Variants in SERPINB1 observed in about 807,000 individuals in gnomAD.
The protein encoded by SERPINB1 is leukocyte elastase inhibitor.
In SERPINB1, 23 loss-of-function variants were observed where a neutral mutation model predicts 25.9. That is an observed-to-expected ratio of 0.89 (90% CI 0.64 to 1.26). The LOEUF (loss-of-function observed/expected upper bound fraction) is 1.26, where lower values mean the gene tolerates loss of function less well. SERPINB1 is among the 50% of genes most tolerant of loss of function. The pLI is 0.00. For missense variants in SERPINB1, 399 were observed against 463.6 expected (o/e 0.86, Z 1.28); for synonymous variants, 178 against 178.7 (o/e 1.00, Z 0.03).
intron 1 of SERPINB1, 67 bp from the exon 2 acceptor site, chr6:2,840,661 C>A (rs1401322925): frequency 6.2e-6 from 9 of 1,447,366 alleles, no homozygotes; most frequent in Non-Finnish European, 8.3e-6. Context: ...AGCACTATTT[C>A]TCCAGAAGCT....
chr6:2,839,909 C>G (rs1766600083), intron 2 of SERPINB1, among the ~76,000 whole-genome samples: 1 of 152,210 alleles, frequency 6.6e-6, no homozygotes, highest in African/African-American at 2.4e-5. Flanking sequence ...CACCCTGGGA[C>G]TACAGAACCA....
In SERPINB1 at chr6:2,840,473, A is replaced by G. The variant is rs774546298; in HGVS notation, c.114T>C (p.Ala38=). The change falls in exon 2 of 7, where the codon GCT becomes GCC. Residue 38 remains alanine, a synonymous_variant. Transcript: ENST00000380739. ...IFISPFSISS[A]MAMVFLGTRG... ...TGGTCCCCAGAAAAACCATGGCCATAGCAGATGAAATGCTGAAGGGAGAGA... is the reference window on the plus strand; with the variant it reads ...TGGTCCCCAGAAAAACCATGGCCATGGCAGATGAAATGCTGAAGGGAGAGA... 1.2e-6 allele frequency: 2 copies of G among 1,614,198 alleles called. No individual in the cohort carries two copies. Among genetic ancestry groups the G allele is most frequent in the Admixed American group, 3.3e-5 (2 of 60,022 alleles).
chr6:2,838,890 C>T (rs1766571224), intron 2 of SERPINB1, among the ~76,000 whole-genome samples: 1 of 152,172 alleles, frequency 6.6e-6, no homozygotes, highest in African/African-American at 2.4e-5. Context: ...AGAATGTTTA[C>T]AACTTTACAC....
In SERPINB1 at chr6:2,837,681, C is replaced by T. The variant is rs912687336; in HGVS notation, c.424+201G>A. On this transcript the variant is annotated intron_variant, in intron 4 of 6. Coordinates refer to ENST00000380739, the MANE Select transcript of SERPINB1 (RefSeq NM_030666.4). This position sits in a 1 kb window ranked among gnomAD's most constrained non-coding sequence, Gnocchi z 4.3. ...GTTAAATCATGTTTAAGTTTCCACT[C>T]TGGTGAACTTCGAACATGTGAGAGC... Among the ~76,000 whole-genome samples, 4 of 152,218 alleles carry T rather than the reference C, an allele frequency of 2.6e-5. No individual in the cohort carries two copies. Among genetic ancestry groups the T allele is most frequent in the Admixed American group, 1.3e-4 (2 of 15,288 alleles).
At chr6:2,839,312 G>C (rs1445020200) in intron 2 of SERPINB1, 2 of 984,554 alleles carry the variant, frequency 2.0e-6, no homozygotes, top group Non-Finnish European at 2.4e-6. Flanking sequence ...AATTGCATAG[G>C]GTACGAAGTC....
chr6:2,836,358 AT>A, intron 4 of SERPINB1, 108 bp from the exon 5 acceptor site: 1 of 1,183,072 alleles, frequency 8.5e-7, no homozygotes, highest in Non-Finnish European at 1.2e-6. Context: ...TTTCTACTTA[AT>A]TTTCATTTAA....
intron 2 of SERPINB1, among the ~76,000 whole-genome samples, 198 bp from the exon 3 acceptor site, chr6:2,838,884 T>C (rs1418373519): frequency 6.6e-6 from 1 of 152,244 alleles, no homozygotes; most frequent in Non-Finnish European, 1.5e-5. Flanking sequence ...TGAGACAGAA[T>C]GTTTACAACT....
intron 2 of SERPINB1, among the ~76,000 whole-genome samples, chr6:2,839,829 G>A (rs529963236): frequency 4.3e-4 from 39 of 90,092 alleles, no homozygotes; most frequent in Non-Finnish European, 9.9e-4. Flanking sequence ...TCCCGCCCCT[G>A]AAGCTGCGGG....
Position 2,836,138 on chromosome 6 carries a change from G to T in SERPINB1, c.537C>A (p.Ala179=). 6.2e-7 allele frequency: 1 copy of T among 1,613,838 alleles called. No homozygotes were observed. Among genetic ancestry groups the T allele is most frequent in the Non-Finnish European group, 8.5e-7 (1 of 1,179,976 alleles). The part of the protein sequence containing the change: ...GNWKDKFMKE[A]TTNAPFRLNK... The stretch of plus-strand genomic sequence containing the variant: ...TCAATCTGAATGGTGCATTCGTCGT[G>T]GCTTCTTTCATGAATTTATCCTTCC... The change falls in exon 5 of 7, where the codon GCC becomes GCA. Residue 179 remains alanine, a synonymous_variant. Coordinates refer to ENST00000380739, the MANE Select transcript of SERPINB1 (RefSeq NM_030666.4).
Position 2,838,820 on chromosome 6 carries a change from T to C in SERPINB1, c.169-134A>G, listed in dbSNP as rs76389219. 1.9e-3 allele frequency: 1,279 copies of C among 690,950 alleles called. 13 individuals carry two copies. In the African/African-American group the frequency reaches 0.022, roughly 12 times the overall value. The allele number at this position is 690,950 out of a possible 1,614,324, so 42.8% of individuals were successfully genotyped here. A position where few individuals can be genotyped will look rare whatever the true frequency, so the allele number is the denominator to read the frequency against. ...ATTGATGATCCCAAACCCAATACTT[T>C]ATTAATTTGTCATTGCAGAACAAAC... On this transcript the variant is annotated intron_variant, in intron 2 of 6. Coordinates refer to ENST00000380739, the MANE Select transcript of SERPINB1 (RefSeq NM_030666.4).
intron 6 of SERPINB1, among the ~76,000 whole-genome samples, chr6:2,834,566 C>A (rs1766433425): frequency 6.6e-6 from 1 of 152,226 alleles, no homozygotes; most frequent in Non-Finnish European, 1.5e-5. Flanking sequence ...TCTACCCATT[C>A]ATCCATCCAT....
At chr6:2,839,591 G>GA (rs1246919955) in intron 2 of SERPINB1, 4 of 633,222 alleles carry the variant, frequency 6.3e-6, no homozygotes, top group Admixed American at 1.3e-4. Flanking sequence ...CCTTGAACTT[G>GA]AATCCCAGGC....
intron 2 of SERPINB1, among the ~76,000 whole-genome samples, 196 bp downstream of exon 2, chr6:2,840,223 C>G (rs1766606698): frequency 6.6e-6 from 1 of 152,086 alleles, no homozygotes; most frequent in Admixed American, 6.5e-5. Flanking sequence ...GTTCCTGGTA[C>G]GTGGTAGGTA....
chr6:2,839,527 A>C (rs1766586787), intron 2 of SERPINB1: 1 of 964,170 alleles, frequency 1.0e-6, no homozygotes. Context: ...ATTTAAAAAA[A>C]ACATTTAAAA....
intron 4 of SERPINB1, among the ~76,000 whole-genome samples, chr6:2,836,971 G>T (rs1201484987): frequency 6.6e-6 from 1 of 152,248 alleles, no homozygotes; most frequent in African/African-American, 2.4e-5. Flanking sequence ...ATGGAAGACA[G>T]GTCTTCTGGA....
In SERPINB1 at chr6:2,838,578, A is replaced by G; in HGVS notation, c.277T>C (p.Tyr93His). 1 of 1,605,942 alleles carries G rather than the reference A, an allele frequency of 6.2e-7. No individual in the cohort carries two copies. Among genetic ancestry groups the G allele is most frequent in the South Asian group, 1.1e-5 (1 of 89,230 alleles). ...SYILKLANRLYGEKTYNFLPE... is the reference protein window; with the variant it reads ...SYILKLANRLHGEKTYNFLPE... ...AGGAAATTGTAAGTTTTCTCTCCAT[A>G]TAATCTATTAGCAAGTTTCAGAATA... Residue 93 changes from tyrosine to histidine, a missense_variant, in exon 3 of 7, where the codon TAT (tyrosine) becomes CAT (histidine). By Grantham distance (83) the Tyr-to-His change is moderately conservative (BLOSUM62 2). Coordinates refer to ENST00000380739, the MANE Select transcript of SERPINB1 (RefSeq NM_030666.4).
rs181444752 is a variant in SERPINB1, at chr6:2,838,951, G to T, written c.169-265C>A. Among the ~76,000 whole-genome samples, 520 of 152,142 alleles carry T rather than the reference G, an allele frequency of 3.4e-3. 3 individuals are homozygous for T. Among genetic ancestry groups the T allele is most frequent in the African/African-American group, 0.011 (463 of 41,500 alleles). ...CACTTGCAGTTCCACAAATGTGGGT[G>T]GTTAAGATACTAAATATTTATATAT... On this transcript the variant is annotated intron_variant, in intron 2 of 6. Coordinates refer to ENST00000380739, the MANE Select transcript of SERPINB1 (RefSeq NM_030666.4).
At chr6:2,834,064 A>G in intron 6 of SERPINB1, 52 bp from the exon 7 acceptor site, 1 of 1,475,154 alleles carries the variant, frequency 6.8e-7, no homozygotes, top group Non-Finnish European at 9.1e-7. Context: ...TTACATAAGT[A>G]AGGCAATAAA....
At chr6:2,834,149 C>A in intron 6 of SERPINB1, 137 bp from the exon 7 acceptor site, 1 of 789,484 alleles carries the variant, frequency 1.3e-6, no homozygotes, top group Non-Finnish European at 2.0e-6. Context: ...AAACAGATTC[C>A]ATTTGGAGCA....
Sources: allele counts gnomAD v4.1 joint callset (sites outside exome capture counted in the v4.1 genomes callset), GRCh38; gene constraint gnomAD v4.1.1; non-coding constraint Gnocchi (gnomAD v3.1); transcripts MANE v1.5; gene names NCBI Gene and HGNC (gene_info 2026-07-23, HGNC 2026-07-21).